Variants in PSD2 observed in about 807,000 individuals in gnomAD.
PSD2 encodes the protein pleckstrin and Sec7 domain containing 2, also known as PH and SEC7 domain-containing protein 2.
Under a neutral mutation model 69.8 loss-of-function variants are expected in PSD2, and 38 were observed. That is an observed-to-expected ratio of 0.54 (90% confidence interval 0.42 to 0.71). PSD2 has a LOEUF of 0.71. PSD2 is among the 30% of genes least tolerant of loss of function. The pLI, the probability that PSD2 is intolerant of heterozygous loss-of-function variation, is 0.00. For missense variants in PSD2, 943 were observed against 1,014.5 expected (o/e 0.93, Z 0.96); for synonymous variants, 412 against 423.0 (o/e 0.97, Z 0.32).
the PSD2 span, among the ~76,000 whole-genome samples, chr5:139,778,422 A>G: frequency 1.3e-5 from 2 of 152,242 alleles, no homozygotes; most frequent in South Asian, 4.1e-4. Flanking sequence ...CTGTATAGAT[A>G]AAGAATATCT....
chr5:139,813,835 G>T, intron 3 of PSD2, 77 bp downstream of exon 3: 1 of 1,296,948 alleles, frequency 7.7e-7, no homozygotes, highest in South Asian at 1.5e-5. Context: ...AGCAGGTTAG[G>T]GTGACTCAGT....
the PSD2 span, among the ~76,000 whole-genome samples, chr5:139,790,805 G>A: frequency 6.6e-6 from 1 of 152,234 alleles, no homozygotes; most frequent in East Asian, 1.9e-4. Flanking sequence ...CTCTTTGGGA[G>A]GCTGAGGTGG....
chr5:139,798,479 C>T (rs1759588066), intron 1 of PSD2, among the ~76,000 whole-genome samples: 1 of 152,204 alleles, frequency 6.6e-6, no homozygotes, highest in East Asian at 1.9e-4. Context: ...GACTCCTGCC[C>T]CAAAATTCCA....
At chr5:139,823,185 C>T (rs986016457) in intron 7 of PSD2, among the ~76,000 whole-genome samples, 4 of 152,218 alleles carry the variant, frequency 2.6e-5, no homozygotes, top group African/African-American at 4.8e-5. Flanking sequence ...TGGTGTGGGA[C>T]GCCCAGGCTG....
the PSD2 span, among the ~76,000 whole-genome samples, chr5:139,772,172 A>G: frequency 2.4e-4 from 36 of 152,188 alleles, no homozygotes; most frequent in African/African-American, 7.9e-4. Context: ...GGGAGGAAAA[A>G]GCGTCCCCAG....
At position 139,844,091 on chromosome 5, in the gene PSD2, A is replaced by T. The variant is rs1760941920; in HGVS notation, c.*1617A>T. The T allele has an allele frequency of 6.6e-6, 1 of 152,242 alleles. No individual in the cohort carries two copies. The highest frequency in any genetic ancestry group is 2.4e-5 in the African/African-American group (1 of 41,462). 9.4% of individuals were successfully genotyped at this position (152,242 alleles called of 1,614,324 possible). A position where few individuals can be genotyped will look rare whatever the true frequency, so the allele number is the denominator to read the frequency against. ...CATCTGGCCCCTTCGTTTTGCTCAGAGGAAGTAAATGTTCACTTAAATGAA... is the reference window on the plus strand; with the variant it reads ...CATCTGGCCCCTTCGTTTTGCTCAGTGGAAGTAAATGTTCACTTAAATGAA... On this transcript the variant is annotated 3_prime_UTR_variant, in exon 15 of 15. Coordinates refer to ENST00000274710, the MANE Select transcript of PSD2 (RefSeq NM_032289.4).
At chr5:139,766,969 C>G in the PSD2 span, among the ~76,000 whole-genome samples, 1 of 138,652 alleles carries the variant, frequency 7.2e-6, no homozygotes, top group East Asian at 2.1e-4. Flanking sequence ...TTCTTTCTTT[C>G]TTTCTTTCTT....
At chr5:139,834,151 A>G (rs1760658962) in intron 8 of PSD2, among the ~76,000 whole-genome samples, 1 of 152,172 alleles carries the variant, frequency 6.6e-6, no homozygotes, top group African/African-American at 2.4e-5. Context: ...TTCCTTCAAC[A>G]TTACCAGGAA....
At chr5:139,840,004 C>T (rs371557399) in intron 13 of PSD2, 23 bp from the exon 14 acceptor site, 7 of 1,613,452 alleles carry the variant, frequency 4.3e-6, no homozygotes, top group Middle Eastern at 1.6e-4. Flanking sequence ...TAAGGCCTCA[C>T]AGTCCAGGAT....
chr5:139,744,042 T>C, the PSD2 span, among the ~76,000 whole-genome samples: 28,043 of 152,074 alleles, frequency 0.18, 3,263 homozygotes, highest in African/African-American at 0.34. Context: ...CTAAGCATTA[T>C]CCACCCCAAA....
At chr5:139,751,757 G>A in the PSD2 span, among the ~76,000 whole-genome samples, 4 of 151,114 alleles carry the variant, frequency 2.6e-5, no homozygotes, top group South Asian at 2.1e-4. Flanking sequence ...GCCACTCTAG[G>A]ACAGTGTTTC....
intron 1 of PSD2, among the ~76,000 whole-genome samples, chr5:139,801,953 C>T (rs1017867849): frequency 1.3e-5 from 2 of 152,198 alleles, no homozygotes; most frequent in African/African-American, 2.4e-5. Context: ...TTCCCTTCAG[C>T]GGGCCATGGG....
chr5:139,827,589 T>G (rs1449274355), intron 7 of PSD2, among the ~76,000 whole-genome samples: 1 of 152,192 alleles, frequency 6.6e-6, no homozygotes, highest in Non-Finnish European at 1.5e-5. Flanking sequence ...ATTTTCACAT[T>G]GCTATAAAGA....
chr5:139,790,520 C>T, the PSD2 span, among the ~76,000 whole-genome samples: 1 of 151,984 alleles, frequency 6.6e-6, no homozygotes, highest in Non-Finnish European at 1.5e-5. Context: ...GGCGGAGAAA[C>T]TAGCAAAGGA....
chr5:139,833,478 G>A (rs1272372691), intron 7 of PSD2, among the ~76,000 whole-genome samples: 2 of 152,174 alleles, frequency 1.3e-5, no homozygotes, highest in Non-Finnish European at 2.9e-5. Context: ...CTTCACCTGG[G>A]CTGCAGAAGA....
At chr5:139,834,512 G>A (rs1760669057) in intron 8 of PSD2, among the ~76,000 whole-genome samples, 1 of 151,172 alleles carries the variant, frequency 6.6e-6, no homozygotes, top group Non-Finnish European at 1.5e-5. Context: ...TGTTGCCCAG[G>A]CTGGTCACAA....
At chr5:139,806,279 C>T (rs1000016351) in intron 1 of PSD2, among the ~76,000 whole-genome samples, 4 of 152,226 alleles carry the variant, frequency 2.6e-5, no homozygotes, top group African/African-American at 2.4e-5. Context: ...GCCAGCAGGG[C>T]TGGAGGTGGG....
rs963019134 is a variant in PSD2 at position 139,844,115 on chromosome 5, A to G, written c.*1641A>G. 6.6e-6 allele frequency: 1 copy of G among 152,220 alleles called. No individual in the cohort carries two copies. Among genetic ancestry groups the G allele is most frequent in the East Asian group, 1.9e-4 (1 of 5,196 alleles). 9.4% of individuals were successfully genotyped at this position (152,220 alleles called of 1,614,324 possible). On this transcript the variant is annotated 3_prime_UTR_variant, in exon 15 of 15. Coordinates refer to ENST00000274710, the MANE Select transcript of PSD2 (RefSeq NM_032289.4). ...GAGGAAGTAAATGTTCACTTAAATG[A>G]AATTGAAAACGCCATGTGGCACCAC...
At chr5:139,797,729 C>T (rs534812451) in intron 1 of PSD2, among the ~76,000 whole-genome samples, 1 of 152,322 alleles carries the variant, frequency 6.6e-6, no homozygotes, top group South Asian at 2.1e-4. Context: ...GAGGGAGGCA[C>T]TACCCTTATT....
Sources: allele counts gnomAD v4.1 joint callset (sites outside exome capture counted in the v4.1 genomes callset), GRCh38; gene constraint gnomAD v4.1.1; transcripts MANE v1.5; gene names NCBI Gene and HGNC (gene_info 2026-07-23, HGNC 2026-07-21).